RASSF6: variants seen among roughly 807,000 people sequenced by gnomAD.
RASSF6 encodes the protein Ras association domain family member 6.
In RASSF6, 52 loss-of-function variants were observed where a neutral mutation model predicts 44.0. The ratio of observed to expected loss-of-function variants is 1.18; its 90% CI spans 0.95 to 1.49. RASSF6 has a LOEUF of 1.49. RASSF6 is among the 40% of genes most tolerant of loss of function. The pLI, the probability that RASSF6 is intolerant of heterozygous loss-of-function variation, is 0.00. For synonymous variants in RASSF6, 162 were observed against 124.6 expected (o/e 1.30, Z -2.00); for missense variants, 464 against 393.3 (o/e 1.18, Z -1.52).
intron 3 of RASSF6, 54 bp downstream of exon 3, chr4:73,598,586 G>GCA (rs1725084816): frequency 1.2e-6 from 1 of 829,890 alleles, no homozygotes; most frequent in African/African-American, 1.8e-5. Context: ...GTGTGTGTGT[G>GCA]CACGCATGTG....
chr4:73,586,926 A>G (rs1490596941), intron 5 of RASSF6, among the ~76,000 whole-genome samples: 2 of 150,998 alleles, frequency 1.3e-5, no homozygotes, highest in East Asian at 3.9e-4. Flanking sequence ...AAAAAAAAAG[A>G]GAACAAACAT....
chr4:73,620,245 G>A, intron 1 of RASSF6, 43 bp downstream of exon 1: 1 of 1,289,086 alleles, frequency 7.8e-7, no homozygotes, highest in Non-Finnish European at 1.0e-6. Flanking sequence ...CATGACCCCA[G>A]GGAGTGGATT....
At chr4:73,604,749 C>T (rs1176161462) in intron 2 of RASSF6, among the ~76,000 whole-genome samples, 2 of 151,818 alleles carry the variant, frequency 1.3e-5, no homozygotes, top group African/African-American at 4.8e-5. Flanking sequence ...TATAAAATAA[C>T]TACAAAATAT....
At chr4:73,616,181 C>T (rs1726341905) in intron 1 of RASSF6, among the ~76,000 whole-genome samples, 1 of 152,066 alleles carries the variant, frequency 6.6e-6, no homozygotes, top group Non-Finnish European at 1.5e-5. Context: ...TGTCATAATG[C>T]TAATGATTTT....
intron 4 of RASSF6, among the ~76,000 whole-genome samples, chr4:73,593,017 G>A (rs1269028958): frequency 1.5e-5 from 1 of 68,930 alleles, no homozygotes; most frequent in East Asian, 4.6e-4. Flanking sequence ...TGAGTTGCTG[G>A]GATTTTTTTT....
intron 4 of RASSF6, among the ~76,000 whole-genome samples, chr4:73,588,880 C>T (rs1724312535): frequency 6.6e-6 from 1 of 151,826 alleles, no homozygotes; most frequent in South Asian, 2.1e-4. Context: ...CCAAGGTGTT[C>T]CTGGATCTCT....
chr4:73,576,198 GT>G lies in RASSF6; in HGVS notation c.*36del, dbSNP rs1560435572. ...ATTCATCAAAGAGTAATATCTCTGAGTTTTTTGAAATGTTTTAGCAATAGAA... is the reference window on the plus strand; with the variant it reads ...ATTCATCAAAGAGTAATATCTCTGAGTTTTTGAAATGTTTTAGCAATAGAA... On this transcript the variant is annotated 3_prime_UTR_variant, in exon 11 of 11. Transcript: ENST00000307439. 2 of 1,214,042 alleles carry G rather than the reference GT, an allele frequency of 1.6e-6. No individual in the cohort carries two copies. The highest frequency in any genetic ancestry group is 1.5e-5 in the African/African-American group (1 of 65,464). 75.2% of individuals were successfully genotyped at this position (1,214,042 alleles called of 1,614,324 possible). A position where few individuals can be genotyped will look rare whatever the true frequency, so the allele number is the denominator to read the frequency against.
At chr4:73,592,720 T>C (rs912918480) in intron 4 of RASSF6, among the ~76,000 whole-genome samples, 1 of 152,194 alleles carries the variant, frequency 6.6e-6, no homozygotes, top group Non-Finnish European at 1.5e-5. Flanking sequence ...GTTTCCTTGG[T>C]AGAAAGCACA....
chr4:73,572,748 A>G lies in RASSF6; in HGVS notation c.*3487T>C, dbSNP rs1440880573. 1 of 152,160 alleles carries G rather than the reference A, an allele frequency of 6.6e-6. No individual in the cohort carries two copies. The highest frequency in any genetic ancestry group is 1.5e-5 in the Non-Finnish European group (1 of 68,004). The allele number at this position is 152,160 out of a possible 1,614,324, so 9.4% of individuals were successfully genotyped here. ...GCATGTGCTTGTTACTTTTTTGTTC[A>G]TAAGTTTTAAATAATAACTTTACTA... On this transcript the variant is annotated 3_prime_UTR_variant, in exon 11 of 11. Transcript: ENST00000307439.
intron 3 of RASSF6, 72 bp downstream of exon 3, chr4:73,598,568 T>G (rs1725080027): frequency 1.9e-6 from 1 of 515,862 alleles, no homozygotes; most frequent in Non-Finnish European, 3.4e-6. Flanking sequence ...TCTTCCAGAA[T>G]TGTGTGTGTG....
intron 1 of RASSF6, among the ~76,000 whole-genome samples, chr4:73,615,454 G>GA (rs1334293204): frequency 2.0e-5 from 3 of 152,116 alleles, no homozygotes; most frequent in Admixed American, 1.3e-4. Flanking sequence ...TATGAAGAAA[G>GA]AAAAAATTAC....
chr4:73,607,757 A>G (rs572553574), intron 2 of RASSF6, among the ~76,000 whole-genome samples: 14 of 152,002 alleles, frequency 9.2e-5, no homozygotes, highest in African/African-American at 3.1e-4. Flanking sequence ...GTTCTGCTAA[A>G]GGCTCAGGTT....
At chr4:73,576,539 A>G in intron 9 of RASSF6, 32 bp from the exon 10 acceptor site, 1 of 1,556,196 alleles carries the variant, frequency 6.4e-7, no homozygotes, top group Non-Finnish European at 8.7e-7. Flanking sequence ...AAAAAAAGAA[A>G]GCAGAACAAT....
At position 73,575,396 on chromosome 4, in the gene RASSF6, G is replaced by A. The variant is rs1723144822; in HGVS notation, c.*839C>T. ...GAGGGCAGAGTTTGGGATTCCCTAT[G>A]TAACTTCAGCTACAACAGCCTTGCT... On this transcript the variant is annotated 3_prime_UTR_variant, in exon 11 of 11. Transcript: ENST00000307439. 6.6e-6 allele frequency: 1 copy of A among 151,956 alleles called. No homozygotes were observed. Among genetic ancestry groups the A allele is most frequent in the Admixed American group, 6.6e-5 (1 of 15,254 alleles). The allele number at this position is 151,956 out of a possible 1,614,324, so 9.4% of individuals were successfully genotyped here. A position where few individuals can be genotyped will look rare whatever the true frequency, so the allele number is the denominator to read the frequency against.
intron 8 of RASSF6, among the ~76,000 whole-genome samples, chr4:73,580,342 T>C (rs1226314834): frequency 2.0e-5 from 3 of 149,918 alleles, no homozygotes; most frequent in Non-Finnish European, 4.5e-5. Context: ...TACGTGTGCA[T>C]GTGTCTTTAT....
intron 3 of RASSF6, among the ~76,000 whole-genome samples, chr4:73,594,889 G>T (rs1724825221): frequency 6.6e-6 from 1 of 152,206 alleles, no homozygotes; most frequent in Admixed American, 6.5e-5. Context: ...CCACTACTCT[G>T]CTGAGGTTGT....
intron 2 of RASSF6, among the ~76,000 whole-genome samples, chr4:73,599,586 C>T (rs568426549): frequency 5.4e-4 from 82 of 152,320 alleles, no homozygotes; most frequent in South Asian, 2.7e-3. Flanking sequence ...AGTGGGAACA[C>T]TGGCTCTTAC....
chr4:73,611,426 A>G (rs1248939797), intron 2 of RASSF6, among the ~76,000 whole-genome samples: 1 of 152,174 alleles, frequency 6.6e-6, no homozygotes, highest in Non-Finnish European at 1.5e-5. Flanking sequence ...CTTTAGAACT[A>G]TCATTTATGA....
chr4:73,587,468 C>T (rs1724184591), intron 5 of RASSF6, among the ~76,000 whole-genome samples: 1 of 152,038 alleles, frequency 6.6e-6, no homozygotes, highest in Non-Finnish European at 1.5e-5. Context: ...GTCTGATGGG[C>T]TTGGCCTAAC....
Sources: gnomAD v4.1 joint callset for allele counts (sites outside exome capture counted in the v4.1 genomes callset) on GRCh38, gnomAD v4.1.1 for gene constraint, MANE v1.5 for transcripts, NCBI Gene and HGNC (gene_info 2026-07-23, HGNC 2026-07-21) for gene names.